The following HMCN2 variants were observed in gnomAD, a reference collection of about 807,000 sequenced individuals.
The protein encoded by HMCN2 is hemicentin-2.
Under a neutral mutation model 377.5 loss-of-function variants are expected in HMCN2, and 325 were observed. The observed-to-expected ratio is 0.86, with a 90% CI of 0.79 to 0.94. The LOEUF (loss-of-function observed/expected upper bound fraction) is 0.94, where lower values mean the gene tolerates loss of function less well. Ranked by LOEUF, HMCN2 falls within the 40% of genes least tolerant of loss-of-function variation. The pLI, the probability that HMCN2 is intolerant of heterozygous loss-of-function variation, is 0.00. For missense variants in HMCN2, 4,543 were observed against 4,725.3 expected, an observed-to-expected ratio of 0.96 and a Z score of 1.13; for synonymous variants, 2,007 against 2,046.8, an observed-to-expected ratio of 0.98 and a Z score of 0.53.
At chr9:130,295,799 G>A (rs559986425) in intron 6 of HMCN2, 27 bp downstream of exon 6, 1 of 469,522 alleles carries the variant, frequency 2.1e-6, no homozygotes, top group South Asian at 1.6e-5. Context: ...GCAGGAGAAA[G>A]GTCGACTAGC....
rs113477294 is a variant in HMCN2 at position 130,391,342 on chromosome 9, A to G, written c.9806A>G (p.Gln3269Arg). The G allele has an allele frequency of 2.8e-5, 28 of 987,668 alleles. No homozygotes were observed. The highest frequency in any genetic ancestry group is 3.4e-5 in the Non-Finnish European group (28 of 830,138). The allele number at this position is 987,668 out of a possible 1,614,324, so 61.2% of individuals were successfully genotyped here. A position where few individuals can be genotyped will look rare whatever the true frequency, so the allele number is the denominator to read the frequency against. ...AWLKDGSPLG[Q>R]DMGPHLRFYL... ...CTGAAGGACGGCAGCCCGCTGGGCC[A>G]GGACATGGGCCCCCACCTCCGGTAA... The change falls in exon 64 of 98, where the codon CAG becomes CGG. Residue 3269 changes from glutamine (Q) to arginine (R), a missense_variant. Around this residue, in one of 5 missense-constraint regions of HMCN2, gnomAD observed 1,073 missense variants for 1,319.5 expected, o/e 0.81. Coordinates refer to ENST00000683500, the MANE Select transcript of HMCN2 (RefSeq NM_001291815.2).
At chr9:130,409,963 C>T (rs971411100) in intron 84 of HMCN2, among the ~76,000 whole-genome samples, 2 of 152,172 alleles carry the variant, frequency 1.3e-5, no homozygotes, top group African/African-American at 2.4e-5. Flanking sequence ...TGTGAGCCAG[C>T]GCGCCACCTG....
intron 15 of HMCN2, among the ~76,000 whole-genome samples, chr9:130,313,606 C>A (rs1837384830): frequency 6.6e-6 from 1 of 151,770 alleles, no homozygotes; most frequent in African/African-American, 2.4e-5. Flanking sequence ...GGGCACCCCC[C>A]CCCATAAACC....
intron 40 of HMCN2, among the ~76,000 whole-genome samples, chr9:130,364,373 A>T (rs1370560513): frequency 6.6e-6 from 1 of 152,206 alleles, no homozygotes; most frequent in African/African-American, 2.4e-5. Flanking sequence ...TGGTTCTGAG[A>T]CCTGCTTAAA....
chr9:130,433,664 C>A lies in HMCN2; in HGVS notation c.15211C>A (p.Leu5071Ile). The A allele has an allele frequency of 6.6e-7, 1 of 1,513,288 alleles. No homozygotes were observed. The highest frequency in any genetic ancestry group is 8.8e-7 in the Non-Finnish European group (1 of 1,132,208). 93.7% of individuals were successfully genotyped at this position (1,513,288 alleles called of 1,614,324 possible). ...APRHQSVFVLLIAVSPYPY is the reference protein window; with the variant it reads ...APRHQSVFVLIIAVSPYPY ...GCGCCACCAAAGCGTCTTCGTCTTG[C>A]TCATCGCCGTGTCCCCCTACCCCTA... The change falls in exon 98 of 98, where the codon CTC (leucine) becomes ATC (isoleucine). Residue 5071 changes from leucine (L) to isoleucine (I), a missense_variant. Physicochemically the swap from Leu to Ile is conservative, Grantham distance 5. Coordinates refer to ENST00000683500, the MANE Select transcript of HMCN2 (RefSeq NM_001291815.2).
chr9:130,311,748 C>T (rs1257722695), intron 15 of HMCN2, among the ~76,000 whole-genome samples: 1 of 152,212 alleles, frequency 6.6e-6, no homozygotes, highest in Middle Eastern at 3.4e-3. Flanking sequence ...AGAAGTGAGG[C>T]AGAGAGAGGG....
At chr9:130,333,449 C>A (rs2131444834) in intron 22 of HMCN2, among the ~76,000 whole-genome samples, 1 of 152,310 alleles carries the variant, frequency 6.6e-6, no homozygotes, top group Non-Finnish European at 1.5e-5. Flanking sequence ...CCTCTTGCTT[C>A]TCCCCACCAC....
At chr9:130,366,280 A>C (rs1840683272) in intron 43 of HMCN2, among the ~76,000 whole-genome samples, 1 of 152,152 alleles carries the variant, frequency 6.6e-6, no homozygotes, top group Non-Finnish European at 1.5e-5. Context: ...CCTGACTGCC[A>C]GGCTGGGACA....
chr9:130,425,782 C>T lies in HMCN2; in HGVS notation c.13737C>T (p.Arg4579=), dbSNP rs1326471479. The T allele has an allele frequency of 3.9e-6, 6 of 1,550,610 alleles. No individual in the cohort carries two copies. The highest frequency in any genetic ancestry group is 1.7e-4 in the Middle Eastern group (1 of 5,992). The part of the protein sequence containing the change: ...FFQGGLPSFL[R]CNHSIQYNAA... ...AGGGCGGCCTCCCCTCGTTCCTACG[C>T]TGCAACCACAGCATCCAGTACAACG... Residue 4579 remains arginine (R), a synonymous_variant, in exon 90 of 98, where the codon CGC becomes CGT. Transcript: ENST00000683500.
Position 130,308,784 on chromosome 9 carries a change from C to T in HMCN2, c.2201-1128C>T, listed in dbSNP as rs1481406052. On this transcript the variant is annotated intron_variant, in intron 14 of 97. Transcript: ENST00000683500. The surrounding 1 kb of genome is among the most constrained non-coding windows in gnomAD (Gnocchi z 4.1). ...CTTCAGAAGGAAGGAGATTCTGACA[C>T]GTGCTACATGGATGTCCTGCTAGGT... Among the ~76,000 whole-genome samples, 7 of 152,340 alleles carry T rather than the reference C, an allele frequency of 4.6e-5. No homozygotes were observed. Among genetic ancestry groups the T allele is most frequent in the African/African-American group, 1.7e-4 (7 of 41,568 alleles).
chr9:130,425,164 G>A (rs1050904950), intron 89 of HMCN2, 34 bp downstream of exon 89: 9 of 1,504,346 alleles, frequency 6.0e-6, no homozygotes, highest in Middle Eastern at 1.7e-4. Context: ...TGCAGACAGG[G>A]TAGGTGAGAG....
chr9:130,425,773 G>A lies in HMCN2; in HGVS notation c.13728G>A (p.Ser4576=), dbSNP rs1475543220. The change falls in exon 90 of 98, where the codon TCG becomes TCA. Residue 4576 remains serine, a synonymous_variant. Coordinates refer to ENST00000683500, the MANE Select transcript of HMCN2 (RefSeq NM_001291815.2). The part of the protein sequence containing the change: ...TQRFFQGGLP[S]FLRCNHSIQY... ...GCTTCTTCCAGGGCGGCCTCCCCTC[G>A]TTCCTACGCTGCAACCACAGCATCC... 3.3e-5 allele frequency: 51 copies of A among 1,550,310 alleles called. No individual in the cohort carries two copies. The East Asian group carries it at 1.1e-3, about 32-fold the overall frequency.
In HMCN2 at chr9:130,410,577, G is replaced by A. The variant is rs1588418130; in HGVS notation, c.12886G>A (p.Asp4296Asn). 3.9e-6 allele frequency: 6 copies of A among 1,550,454 alleles called. No homozygotes were observed. The highest frequency in any genetic ancestry group is 4.4e-6 in the Non-Finnish European group (5 of 1,146,984). Residue 4296 changes from aspartate (D) to asparagine (N), a missense_variant, in exon 85 of 98, where the codon GAT becomes AAT. Physicochemically the swap from Asp to Asn is conservative, Grantham distance 23. This residue lies in a region of HMCN2 where 1,155 missense variants were observed against 1,157.7 expected (regional missense o/e 1.00). Coordinates refer to ENST00000683500, the MANE Select transcript of HMCN2 (RefSeq NM_001291815.2). ...SLTIRRTERD[D>N]AGRYQCLAEN... ...CTCCTGTGCCCACTTGCAGAGGGAC[G>A]ATGCGGGACGGTACCAGTGCCTGGC...
At chr9:130,424,441 C>G (rs2131810688) in intron 87 of HMCN2, among the ~76,000 whole-genome samples, 1 of 152,108 alleles carries the variant, frequency 6.6e-6, no homozygotes, top group Non-Finnish European at 1.5e-5. Context: ...CTGCCTCGGC[C>G]TCCCAAAGTG....
intron 51 of HMCN2, among the ~76,000 whole-genome samples, 152 bp downstream of exon 51, chr9:130,376,141 A>G (rs1841364523): frequency 6.6e-6 from 1 of 152,106 alleles, no homozygotes; most frequent in East Asian, 1.9e-4. Flanking sequence ...CGGGCTCCAG[A>G]GGACACAATG....
chr9:130,374,582 G>A lies in HMCN2; in HGVS notation c.7519G>A (p.Gly2507Arg), dbSNP rs1312008206. 6 of 985,626 alleles carry A rather than the reference G, an allele frequency of 6.1e-6. No homozygotes were observed. The highest frequency in any genetic ancestry group is 5.2e-4 in the Middle Eastern group (1 of 1,936). 61.1% of individuals were successfully genotyped at this position (985,626 alleles called of 1,614,324 possible). ...RGDAHHISPD[G>R]VLLQVLQANL... ...AGATGCTCACCACATCTCCCCAGAC[G>A]GAGTCCTCCTGCAGGTCCTCCAGGC... is the stretch of plus-strand genomic sequence containing the variant. The change falls in exon 49 of 98, where the codon GGA (glycine) becomes AGA (arginine). Residue 2507 changes from glycine (G) to arginine (R), a missense_variant. Physicochemically the swap from Gly to Arg is moderately radical, Grantham distance 125. Transcript: ENST00000683500.
At chr9:130,432,652 C>A (rs929613720) in intron 97 of HMCN2, 97 bp downstream of exon 97, 2 of 1,314,064 alleles carry the variant, frequency 1.5e-6, no homozygotes, top group African/African-American at 1.5e-5. Context: ...ACTCCCCACA[C>A]AAGTGATGCA....
chr9:130,397,965 T>A (rs947237996), intron 74 of HMCN2, among the ~76,000 whole-genome samples: 4 of 149,712 alleles, frequency 2.7e-5, no homozygotes, highest in African/African-American at 9.9e-5. Context: ...CTGGGCAACA[T>A]AGTGAGACCC....
intron 94 of HMCN2, 48 bp downstream of exon 94, chr9:130,429,733 G>T: frequency 3.1e-6 from 4 of 1,298,852 alleles, no homozygotes; most frequent in Non-Finnish European, 4.1e-6. Context: ...CTGCCCCAGG[G>T]GTTACCGGAT....
Sources: allele counts gnomAD v4.1 joint callset (sites outside exome capture counted in the v4.1 genomes callset), GRCh38; gene constraint gnomAD v4.1.1; regional missense constraint gnomAD v4.1.1; non-coding constraint Gnocchi (gnomAD v3.1); transcripts MANE v1.5; gene names NCBI Gene and HGNC (gene_info 2026-07-23, HGNC 2026-07-21).